The following ANKHD1 variants were observed in gnomAD, a reference collection of about 807,000 sequenced individuals.
ANKHD1 encodes ankyrin repeat and KH domain containing 1.
ANKHD1 carries 31 observed loss-of-function variants against 230.5 expected under a neutral mutation model. The ratio of observed to expected loss-of-function variants is 0.13; its 90% CI spans 0.10 to 0.18. ANKHD1 has a LOEUF of 0.18. ANKHD1 is among the 10% of genes least tolerant of loss of function. The pLI is 1.00. For synonymous variants in ANKHD1, 1,074 were observed against 1,117.6 expected, an observed-to-expected ratio of 0.96 and a Z score of 0.78; for missense variants, 2,256 against 3,071.3, an observed-to-expected ratio of 0.73 and a Z score of 6.27.
chr5:140,525,906 G>T, intron 25 of ANKHD1, 90 bp from the exon 26 acceptor site: 1 of 1,400,366 alleles, frequency 7.1e-7, no homozygotes, highest in South Asian at 1.6e-5. Flanking sequence ...GTAAAACACT[G>T]AATTATTATG....
intron 26 of ANKHD1, 73 bp from the exon 27 acceptor site, chr5:140,526,855 A>G (rs1445069299): frequency 2.0e-6 from 3 of 1,495,130 alleles, no homozygotes; most frequent in Non-Finnish European, 2.7e-6. Flanking sequence ...AACTCTGGCT[A>G]TAAAGGAATA....
chr5:140,512,744 C>A, intron 22 of ANKHD1, 84 bp from the exon 23 acceptor site: 1 of 1,279,674 alleles, frequency 7.8e-7, no homozygotes, highest in Non-Finnish European at 1.1e-6. Context: ...CTTTGTAATT[C>A]TGTTGTTTTA....
At chr5:140,472,379 A>G in intron 10 of ANKHD1, 1 of 1,570,984 alleles carries the variant, frequency 6.4e-7, no homozygotes, top group East Asian at 2.3e-5. Flanking sequence ...TCTGAATTCC[A>G]GCCAAGAAGT....
chr5:140,519,405 C>T (rs1199202835), intron 24 of ANKHD1, among the ~76,000 whole-genome samples: 1 of 152,224 alleles, frequency 6.6e-6, no homozygotes, highest in African/African-American at 2.4e-5. Flanking sequence ...CAATGACTTT[C>T]TTCACAGAAT....
intron 1 of ANKHD1, among the ~76,000 whole-genome samples, chr5:140,412,710 A>T (rs1372256474): frequency 6.6e-6 from 1 of 152,226 alleles, no homozygotes; most frequent in African/African-American, 2.4e-5. Context: ...TTATATTCCA[A>T]TTATTTTGTA....
intron 24 of ANKHD1, among the ~76,000 whole-genome samples, chr5:140,518,317 G>A (rs552456862): frequency 3.9e-4 from 60 of 152,168 alleles, no homozygotes; most frequent in African/African-American, 1.3e-3. Context: ...ACCAAAAAGA[G>A]TCCAAGACCA....
intron 11 of ANKHD1, among the ~76,000 whole-genome samples, chr5:140,482,994 A>AG (rs1751351513): frequency 6.6e-6 from 1 of 152,200 alleles, no homozygotes; most frequent in Non-Finnish European, 1.5e-5. Flanking sequence ...ATGTGGGTGG[A>AG]GGACAGAGAG....
chr5:140,531,676 T>G (rs1343769551), intron 29 of ANKHD1, among the ~76,000 whole-genome samples: 1 of 152,144 alleles, frequency 6.6e-6, no homozygotes, highest in African/African-American at 2.4e-5. Context: ...ATGGTACATC[T>G]GCTTTGGAAA....
chr5:140,412,306 A>G (rs1454994759), intron 1 of ANKHD1, among the ~76,000 whole-genome samples: 1 of 152,164 alleles, frequency 6.6e-6, no homozygotes, highest in Non-Finnish European at 1.5e-5. Context: ...CTGCGATTAC[A>G]GGCGTGAGCC....
In ANKHD1 at chr5:140,402,243, C is replaced by T; in HGVS notation, c.276C>T (p.Ala92=). 6.6e-7 allele frequency: 1 copy of T among 1,508,182 alleles called. No individual in the cohort carries two copies. Among genetic ancestry groups the T allele is most frequent in the Non-Finnish European group, 8.8e-7 (1 of 1,134,220 alleles). The allele number at this position is 1,508,182 out of a possible 1,614,324, so 93.4% of individuals were successfully genotyped here. The change falls in exon 1 of 34, where the codon GCC becomes GCT. Residue 92 remains alanine (A), a synonymous_variant. Transcript: ENST00000360839. The part of the protein sequence containing the change: ...AVLRTGGGGG[A]SGSDEDEVSE... Reference sequence around the variant, plus strand: ...TGAGGACCGGGGGTGGAGGTGGTGCCTCTGGCAGTGACGAGGACGAAGTGT... The same window carrying T: ...TGAGGACCGGGGGTGGAGGTGGTGCTTCTGGCAGTGACGAGGACGAAGTGT...
At chr5:140,493,221 C>T (rs1164776308) in intron 14 of ANKHD1, among the ~76,000 whole-genome samples, 6 of 152,118 alleles carry the variant, frequency 3.9e-5, no homozygotes, top group East Asian at 3.8e-4. Context: ...GCCACCACAC[C>T]GGGCTAGCTA....
At chr5:140,403,750 A>G (rs144444119) in intron 1 of ANKHD1, among the ~76,000 whole-genome samples, 12 of 151,960 alleles carry the variant, frequency 7.9e-5, no homozygotes, top group Non-Finnish European at 1.2e-4. Context: ...TATTTCTTCT[A>G]TTTTGGTTCT....
At chr5:140,466,032 G>A (rs1776058244) in intron 10 of ANKHD1, among the ~76,000 whole-genome samples, 1 of 152,136 alleles carries the variant, frequency 6.6e-6, no homozygotes, top group African/African-American at 2.4e-5. Flanking sequence ...ATTCTTACCT[G>A]GATTCTCTCT....
chr5:140,451,775 T>C (rs776354094), intron 7 of ANKHD1, among the ~76,000 whole-genome samples: 14 of 152,312 alleles, frequency 9.2e-5, no homozygotes, highest in Admixed American at 2.0e-4. Context: ...CCCAAAGTGC[T>C]GGGGTTACAG....
chr5:140,437,732 A>G (rs1017759954), intron 2 of ANKHD1, among the ~76,000 whole-genome samples: 1 of 152,166 alleles, frequency 6.6e-6, no homozygotes, highest in Non-Finnish European at 1.5e-5. Context: ...TAAAATTTTG[A>G]CAACTATTAT....
At chr5:140,509,082 T>A (rs1209952239) in intron 20 of ANKHD1, among the ~76,000 whole-genome samples, 1 of 152,196 alleles carries the variant, frequency 6.6e-6, no homozygotes, top group East Asian at 1.9e-4. Flanking sequence ...AATGAGGAAG[T>A]GTAGTTTTTC....
At chr5:140,516,486 T>TA (rs1210611633) in intron 24 of ANKHD1, among the ~76,000 whole-genome samples, 3 of 151,704 alleles carry the variant, frequency 2.0e-5, no homozygotes, top group Non-Finnish European at 4.4e-5. Flanking sequence ...CCAAGACACA[T>TA]AATTGTCAGA....
chr5:140,529,388 C>G lies in ANKHD1; in HGVS notation c.6442C>G (p.Pro2148Ala), dbSNP rs1198305748. 2 of 1,614,168 alleles carry G rather than the reference C, an allele frequency of 1.2e-6. No individual in the cohort carries two copies. The highest frequency in any genetic ancestry group is 2.2e-5 in the East Asian group (1 of 44,894). The change falls in exon 29 of 34, where the codon CCA becomes GCA. Residue 2148 changes from proline (P) to alanine (A), a missense_variant. Pro to Ala is a conservative substitution (Grantham distance 27, BLOSUM62 -1). Coordinates refer to ENST00000360839, the MANE Select transcript of ANKHD1 (RefSeq NM_017747.3). ...CAGAGGTTCTTTTTACTCCATGGTACCAAATGCAACTATTCACCAGGATCC... is the reference window on the plus strand; with the variant it reads ...CAGAGGTTCTTTTTACTCCATGGTAGCAAATGCAACTATTCACCAGGATCC... The part of the protein sequence containing the change: ...QPRGSFYSMV[P>A]NATIHQDPQS...
intron 14 of ANKHD1, among the ~76,000 whole-genome samples, chr5:140,488,223 G>T (rs1056611603): frequency 6.6e-6 from 1 of 152,046 alleles, no homozygotes; most frequent in Admixed American, 6.6e-5. Flanking sequence ...TTTTCTTTGG[G>T]GGGGAGTTTA....
Sources: allele counts gnomAD v4.1 joint callset (sites outside exome capture counted in the v4.1 genomes callset), GRCh38; gene constraint gnomAD v4.1.1; transcripts MANE v1.5; gene names NCBI Gene and HGNC (gene_info 2026-07-23, HGNC 2026-07-21).